Variants in SLC25A28 observed in about 807,000 individuals in gnomAD.
The protein encoded by SLC25A28 is solute carrier family 25 member 28, also known as mitoferrin-2.
In SLC25A28, 10 loss-of-function variants were observed where a neutral mutation model predicts 31.9. That is an observed-to-expected ratio of 0.31 (90% CI 0.19 to 0.53). The LOEUF is 0.53. Ranked by LOEUF, SLC25A28 falls within the 20% of genes least tolerant of loss-of-function variation. The pLI, the probability that SLC25A28 is intolerant of heterozygous loss-of-function variation, is 0.95. For missense variants in SLC25A28, 256 were observed against 490.3 expected (o/e 0.52, Z 4.51); for synonymous variants, 208 against 203.6 (o/e 1.02, Z -0.19).
chr10:99,635,486 C>T, the SLC25A28 span, among the ~76,000 whole-genome samples: 1 of 145,324 alleles, frequency 6.9e-6, no homozygotes, highest in Non-Finnish European at 1.5e-5. Flanking sequence ...TTGAGACCAT[C>T]CTGGCTAACG....
the SLC25A28 span, among the ~76,000 whole-genome samples, chr10:99,626,123 C>G: frequency 1.2e-4 from 18 of 152,188 alleles, no homozygotes; most frequent in African/African-American, 2.2e-4. Flanking sequence ...TACACTACCC[C>G]CTTCTCTGAA....
Position 99,620,414 on chromosome 10 carries a change from C to G in SLC25A28, c.-79G>C, listed in dbSNP as rs897161932. 1.9e-6 allele frequency: 2 copies of G among 1,052,448 alleles called. No homozygotes were observed. Among genetic ancestry groups the G allele is most frequent in the African/African-American group, 3.4e-5 (2 of 58,604 alleles). 65.2% of individuals were successfully genotyped at this position (1,052,448 alleles called of 1,614,324 possible). A position where few individuals can be genotyped will look rare whatever the true frequency, so the allele number is the denominator to read the frequency against. Reference sequence around the variant, plus strand: ...CGCCGCCCCCCGGCCCCGTAGTGTCCGCCTCAGGCGCGGCCCAGAGAGCCC... The same window carrying G: ...CGCCGCCCCCCGGCCCCGTAGTGTCGGCCTCAGGCGCGGCCCAGAGAGCCC... On this transcript the variant is annotated 5_prime_UTR_variant, in exon 1 of 4. Transcript: ENST00000370495.
chr10:99,640,446 A>G, the SLC25A28 span, among the ~76,000 whole-genome samples: 3 of 152,302 alleles, frequency 2.0e-5, no homozygotes, highest in African/African-American at 7.2e-5. Flanking sequence ...TAAGCAAATT[A>G]TTGTACGTCT....
the SLC25A28 span, among the ~76,000 whole-genome samples, chr10:99,634,440 A>AGCAT: frequency 1.4e-4 from 18 of 126,686 alleles, no homozygotes; most frequent in East Asian, 3.4e-3. Context: ...GAAATAGCAT[A>AGCAT]AAAAAAAGCA....
upstream of SLC25A28, chr10:99,621,783 C>G (rs2034800593): frequency 6.6e-6 from 1 of 152,238 alleles, no homozygotes; most frequent in Admixed American, 6.5e-5. Context: ...AAGATGTTTT[C>G]CTTTTTTCTT....
chr10:99,658,344 C>T, the SLC25A28 span, among the ~76,000 whole-genome samples: 1 of 152,100 alleles, frequency 6.6e-6, no homozygotes, highest in Non-Finnish European at 1.5e-5. Context: ...CATTCATTTG[C>T]TTATTAATTA....
chr10:99,621,299 C>T (rs925294439), upstream of SLC25A28: 1 of 152,518 alleles, frequency 6.6e-6, no homozygotes, highest in African/African-American at 2.4e-5. Flanking sequence ...GAATGAGGTT[C>T]CCCGGGCCCC....
chr10:99,656,039 A>G, the SLC25A28 span, among the ~76,000 whole-genome samples: 1 of 152,348 alleles, frequency 6.6e-6, no homozygotes, highest in African/African-American at 2.4e-5. Context: ...AACTTCTGGA[A>G]GAAGGTACTT....
At chr10:99,623,504 T>C (rs1009944291), upstream of SLC25A28, among the ~76,000 whole-genome samples, 1 of 152,234 alleles carries the variant, frequency 6.6e-6, no homozygotes, top group Non-Finnish European at 1.5e-5. Flanking sequence ...GTTTATGCTC[T>C]CCTTTTCCTT....
Position 99,620,420 on chromosome 10 carries a change from A to T in SLC25A28, c.-85T>A. ...CCCCCGGCCCCGTAGTGTCCGCCTC[A>T]GGCGCGGCCCAGAGAGCCCGGGGCC... On this transcript the variant is annotated 5_prime_UTR_variant, in exon 1 of 4. Transcript: ENST00000370495. The T allele has an allele frequency of 4.8e-6, 5 of 1,036,718 alleles. No homozygotes were observed. The highest frequency in any genetic ancestry group is 5.8e-6 in the Non-Finnish European group (5 of 867,494). 64.2% of individuals were successfully genotyped at this position (1,036,718 alleles called of 1,614,324 possible).
chr10:99,623,125 C>G (rs1205307049), upstream of SLC25A28, among the ~76,000 whole-genome samples: 1 of 152,104 alleles, frequency 6.6e-6, no homozygotes, highest in Admixed American at 6.5e-5. Context: ...TAGGCAGGAG[C>G]CAGTCATGAC....
At chr10:99,644,621 C>T in the SLC25A28 span, among the ~76,000 whole-genome samples, 1 of 152,056 alleles carries the variant, frequency 6.6e-6, no homozygotes, top group South Asian at 2.1e-4. Context: ...TTATTTTGCT[C>T]GTTAGTTGAT....
At chr10:99,633,396 C>T in the SLC25A28 span, among the ~76,000 whole-genome samples, 1 of 152,118 alleles carries the variant, frequency 6.6e-6, no homozygotes, top group Non-Finnish European at 1.5e-5. Flanking sequence ...TACAAACTAG[C>T]ATATAAAAGC....
At chr10:99,648,067 C>T in the SLC25A28 span, among the ~76,000 whole-genome samples, 117 of 151,718 alleles carry the variant, frequency 7.7e-4, no homozygotes, top group African/African-American at 2.4e-3. Flanking sequence ...GGAGTGACAT[C>T]GGCTCACTGT....
chr10:99,615,403 A>G (rs2034626222), intron 1 of SLC25A28: 1 of 984,030 alleles, frequency 1.0e-6, no homozygotes, highest in Non-Finnish European at 1.2e-6. Context: ...GGCCAACTGG[A>G]ATCCAAGAGT....
At chr10:99,643,013 T>C in the SLC25A28 span, among the ~76,000 whole-genome samples, 231 of 152,278 alleles carry the variant, frequency 1.5e-3, no homozygotes, top group African/African-American at 5.4e-3. Context: ...CCAGGGATAT[T>C]AGTCTAAAAT....
At chr10:99,648,509 G>A in the SLC25A28 span, among the ~76,000 whole-genome samples, 1 of 151,870 alleles carries the variant, frequency 6.6e-6, no homozygotes, top group South Asian at 2.1e-4. Context: ...AATTCGATAG[G>A]GATTGCATTG....
the SLC25A28 span, among the ~76,000 whole-genome samples, chr10:99,651,496 T>C: frequency 6.6e-6 from 1 of 152,106 alleles, no homozygotes; most frequent in African/African-American, 2.4e-5. Context: ...TTGCAAATAT[T>C]TTCTCCCACA....
chr10:99,616,203 T>C, intron 1 of SLC25A28: 1 of 985,300 alleles, frequency 1.0e-6, no homozygotes, highest in Non-Finnish European at 1.2e-6. Flanking sequence ...AGTAGAGAGG[T>C]AAGTGGTTTG....
Sources: allele counts gnomAD v4.1 joint callset (sites outside exome capture counted in the v4.1 genomes callset), GRCh38; gene constraint gnomAD v4.1.1; transcripts MANE v1.5; gene names NCBI Gene and HGNC (gene_info 2026-07-23, HGNC 2026-07-21).